The following EPB41L4B variants were observed in gnomAD, a reference collection of about 807,000 sequenced individuals.
EPB41L4B encodes the protein band 4.1-like protein 4B.
A neutral mutation model predicts 112.5 loss-of-function variants in EPB41L4B; 30 were observed. The observed-to-expected ratio is 0.27, with a 90% confidence interval of 0.20 to 0.36. EPB41L4B has a LOEUF of 0.36. EPB41L4B is among the 10% of genes least tolerant of loss of function. EPB41L4B has a pLI of 1.00. For missense variants in EPB41L4B, 1,024 were observed against 1,133.3 expected (o/e 0.90, Z 1.38); for synonymous variants, 408 against 439.7 (o/e 0.93, Z 0.90).
At chr9:109,232,761 G>A (rs1211796660) in intron 15 of EPB41L4B, among the ~76,000 whole-genome samples, 1 of 152,166 alleles carries the variant, frequency 6.6e-6, no homozygotes, top group Non-Finnish European at 1.5e-5. Flanking sequence ...GCTGAACACT[G>A]GGTACGTGTT....
intron 11 of EPB41L4B, among the ~76,000 whole-genome samples, chr9:109,254,657 A>G (rs1834915305): frequency 6.6e-6 from 1 of 152,210 alleles, no homozygotes; most frequent in Non-Finnish European, 1.5e-5. Context: ...ACACACATGC[A>G]TACCCACAGA....
At chr9:109,253,393 G>T in intron 12 of EPB41L4B, 48 bp downstream of exon 12, 4 of 1,350,310 alleles carry the variant, frequency 3.0e-6, no homozygotes, top group South Asian at 2.4e-5. Flanking sequence ...GGGCTTAAAT[G>T]ACTCAAGCAT....
chr9:109,265,916 G>A (rs1436771332), intron 4 of EPB41L4B, among the ~76,000 whole-genome samples: 1 of 152,194 alleles, frequency 6.6e-6, no homozygotes, highest in Non-Finnish European at 1.5e-5. Context: ...TTTGATGACA[G>A]CTAGAAGCAG....
chr9:109,241,871 G>A, intron 15 of EPB41L4B: 1 of 1,559,706 alleles, frequency 6.4e-7, no homozygotes, highest in Non-Finnish European at 8.8e-7. Flanking sequence ...AAATGTAAGT[G>A]AAACAACACA....
Position 109,320,372 on chromosome 9 carries a change from C to G in EPB41L4B, c.75G>C (p.Gly25=), listed in dbSNP as rs1237521145. The stretch of plus-strand genomic sequence containing the variant: ...CGCGCTCGTCCCCCAGCCCGGCGGC[C>G]CCGCGCCCCGCCGCGCCCCGCGCGT... ...QRYARGAAGR[G]AAGLGDERDG... Residue 25 remains glycine (G), a synonymous_variant, in exon 1 of 26, where the codon GGG becomes GGC. Transcript: ENST00000374566. 1 of 982,644 alleles carries G rather than the reference C, an allele frequency of 1.0e-6. No individual in the cohort carries two copies. The highest frequency in any genetic ancestry group is 1.8e-5 in the African/African-American group (1 of 56,608). The allele number at this position is 982,644 out of a possible 1,614,324, so 60.9% of individuals were successfully genotyped here.
chr9:109,240,631 T>C (rs1588162680), intron 15 of EPB41L4B: 4 of 985,430 alleles, frequency 4.1e-6, no homozygotes, highest in South Asian at 4.7e-5. Flanking sequence ...AGACAACATA[T>C]TGATTTCTGG....
chr9:109,185,376 C>T (rs1832215684), intron 23 of EPB41L4B, 113 bp downstream of exon 23: 1 of 861,058 alleles, frequency 1.2e-6, no homozygotes, highest in Admixed American at 1.9e-5. Flanking sequence ...TGTCGATGGG[C>T]TCTGCCCGAG....
intron 6 of EPB41L4B, among the ~76,000 whole-genome samples, chr9:109,259,731 T>A (rs1354420394): frequency 6.6e-6 from 1 of 152,180 alleles, no homozygotes; most frequent in African/African-American, 2.4e-5. Context: ...TCTCCCTTCT[T>A]TTCCTTTTAC....
At chr9:109,183,140 A>G (rs1832129395) in intron 23 of EPB41L4B, among the ~76,000 whole-genome samples, 1 of 152,156 alleles carries the variant, frequency 6.6e-6, no homozygotes, top group Non-Finnish European at 1.5e-5. Context: ...CAAGGTGGAT[A>G]ATGAGGGAGT....
rs1016970745 is a variant in EPB41L4B at position 109,312,963 on chromosome 9, G to A, written c.306+7178C>T. ...GGGACCAAACCTTCTCCAGCTGCCC[G>A]GGTGTGGTGGCTCACACGTGTAATC... On this transcript the variant is annotated intron_variant, in intron 1 of 25. Coordinates refer to ENST00000374566, the MANE Select transcript of EPB41L4B (RefSeq NM_019114.5). 4.6e-5 allele frequency among the ~76,000 whole-genome samples: 7 copies of A among 152,194 alleles called. No homozygotes were observed. In the South Asian group the frequency reaches 6.2e-4, roughly 14 times the overall value.
chr9:109,222,164 A>G (rs543548622), intron 15 of EPB41L4B, among the ~76,000 whole-genome samples: 110 of 152,328 alleles, frequency 7.2e-4, no homozygotes, highest in Middle Eastern at 3.4e-3. Context: ...GTCAAATAAA[A>G]TATGCATGTG....
At chr9:109,195,302 T>C (rs898111709) in intron 20 of EPB41L4B, among the ~76,000 whole-genome samples, 1 of 152,146 alleles carries the variant, frequency 6.6e-6, no homozygotes, top group African/African-American at 2.4e-5. Flanking sequence ...AGATCACTGG[T>C]AAGGCCTCAG....
chr9:109,258,774 G>GGAGGGAGAGGCA (rs988837083), intron 6 of EPB41L4B, among the ~76,000 whole-genome samples: 2 of 152,186 alleles, frequency 1.3e-5, no homozygotes, highest in Non-Finnish European at 2.9e-5. Context: ...AGTAGGAAGG[G>GGAGGGAGAGGCA]GAGGGAGAGG....
chr9:109,259,263 G>T (rs750721), intron 6 of EPB41L4B, among the ~76,000 whole-genome samples: 128,034 of 152,036 alleles, frequency 0.84, 54,500 homozygotes, highest in Middle Eastern at 0.95. Flanking sequence ...AAATCACTGA[G>T]GTATAATAGT....
At chr9:109,188,225 C>T (rs1832337809) in intron 22 of EPB41L4B, among the ~76,000 whole-genome samples, 1 of 152,142 alleles carries the variant, frequency 6.6e-6, no homozygotes, top group Admixed American at 6.5e-5. Flanking sequence ...AGAGAAAAGT[C>T]AGAGGGAAAG....
chr9:109,305,325 G>A (rs775418372), intron 1 of EPB41L4B, among the ~76,000 whole-genome samples: 4 of 152,126 alleles, frequency 2.6e-5, no homozygotes, highest in Non-Finnish European at 5.9e-5. Flanking sequence ...CAGCCAATAC[G>A]AAGGCAGCAC....
At chr9:109,266,681 ATT>A (rs1835412192) in intron 4 of EPB41L4B, among the ~76,000 whole-genome samples, 1 of 152,196 alleles carries the variant, frequency 6.6e-6, no homozygotes, top group African/African-American at 2.4e-5. Context: ...CAAAAAAGAA[ATT>A]CAGGCCGGGC....
In EPB41L4B at chr9:109,182,769, T is replaced by A. The variant is rs3750450; in HGVS notation, c.2447A>T (p.Asn816Ile). 6.2e-7 allele frequency: 1 copy of A among 1,611,988 alleles called. No individual in the cohort carries two copies. Among genetic ancestry groups the A allele is most frequent in the Non-Finnish European group, 8.5e-7 (1 of 1,178,170 alleles). The part of the protein sequence containing the change: ...LIKTFPVDTM[N>I]PFPDTFTTGP... ...TGTGGTGAAAGTATCAGGAAACGGGTTCATTGTATCAACCGGGAATGTTTT... is the reference window on the plus strand; with the variant it reads ...TGTGGTGAAAGTATCAGGAAACGGGATCATTGTATCAACCGGGAATGTTTT... Residue 816 changes from asparagine (N) to isoleucine (I), a missense_variant, in exon 24 of 26, where the codon AAC becomes ATC. Asn to Ile is a moderately radical substitution (Grantham distance 149). Coordinates refer to ENST00000374566, the MANE Select transcript of EPB41L4B (RefSeq NM_019114.5).
intron 1 of EPB41L4B, among the ~76,000 whole-genome samples, chr9:109,315,710 C>T (rs913235387): frequency 6.6e-6 from 1 of 152,134 alleles, no homozygotes; most frequent in African/African-American, 2.4e-5. Flanking sequence ...CCTTCAACTC[C>T]AAAATAAGCC....
Sources: gnomAD v4.1 joint callset for allele counts (sites outside exome capture counted in the v4.1 genomes callset) on GRCh38, gnomAD v4.1.1 for gene constraint, MANE v1.5 for transcripts, NCBI Gene and HGNC (gene_info 2026-07-23, HGNC 2026-07-21) for gene names.